The following CDH18 variants were observed in gnomAD, a reference collection of about 807,000 sequenced individuals.
CDH18 encodes the protein cadherin 18, also known as cadherin-18.
In CDH18, 31 loss-of-function variants were observed where a neutral mutation model predicts 67.9. The ratio of observed to expected loss-of-function variants is 0.46; its 90% CI spans 0.34 to 0.62. The LOEUF is 0.62. Ranked by LOEUF, CDH18 falls within the 20% of genes least tolerant of loss-of-function variation. The pLI is 0.01. For synonymous variants in CDH18, 362 were observed against 347.2 expected (o/e 1.04, Z -0.48); for missense variants, 890 against 975.5 (o/e 0.91, Z 1.17).
intron 1 of CDH18, among the ~76,000 whole-genome samples, chr5:20,271,834 T>G (rs1745456779): frequency 6.6e-6 from 1 of 151,900 alleles, no homozygotes; most frequent in African/African-American, 2.4e-5. Context: ...GGTAGAATAC[T>G]AGTGTATGGG....
At chr5:19,739,617 G>A (rs1477050559) in intron 4 of CDH18, among the ~76,000 whole-genome samples, 5 of 152,200 alleles carry the variant, frequency 3.3e-5, no homozygotes, top group Non-Finnish European at 7.3e-5. Context: ...AACTTACACA[G>A]AAGAATAGTT....
chr5:19,726,737 T>C (rs1342678598), intron 4 of CDH18, among the ~76,000 whole-genome samples: 3 of 152,212 alleles, frequency 2.0e-5, no homozygotes, highest in Admixed American at 1.3e-4. Context: ...TTCTTTATAT[T>C]AGACAAAAGT....
intron 1 of CDH18, among the ~76,000 whole-genome samples, chr5:20,395,594 A>G (rs1745217938): frequency 6.6e-6 from 1 of 152,252 alleles, no homozygotes; most frequent in Non-Finnish European, 1.5e-5. Flanking sequence ...TGATGGAAAT[A>G]AAATTAAAAT....
intron 2 of CDH18, among the ~76,000 whole-genome samples, chr5:19,865,480 C>T (rs1437927178): frequency 6.6e-6 from 1 of 152,118 alleles, no homozygotes; most frequent in Non-Finnish European, 1.5e-5. Context: ...CAGTATTTTA[C>T]TCTTCTAGCT....
intron 1 of CDH18, among the ~76,000 whole-genome samples, chr5:20,429,437 T>C (rs1175258660): frequency 6.6e-6 from 1 of 152,176 alleles, no homozygotes; most frequent in African/African-American, 2.4e-5. Flanking sequence ...AATCACTAAT[T>C]TGATCTACTT....
intron 6 of CDH18, among the ~76,000 whole-genome samples, chr5:19,598,875 T>C (rs1220256725): frequency 6.6e-6 from 1 of 152,144 alleles, no homozygotes; most frequent in African/African-American, 2.4e-5. Context: ...GTTGTCCAAC[T>C]TCACAGAATT....
At chr5:20,335,746 A>T (rs2150034336) in intron 1 of CDH18, among the ~76,000 whole-genome samples, 1 of 152,294 alleles carries the variant, frequency 6.6e-6, no homozygotes, top group South Asian at 2.1e-4. Flanking sequence ...ACATAGTAGA[A>T]TCTCAGTAAC....
At position 20,204,245 on chromosome 5, in the gene CDH18, G is replaced by C. The variant is rs531272164; in HGVS notation, c.-518+51199C>G. ...ACAGAGTGGATTCTAAAATCAGCAA[G>C]AGAAAAGAAGCAAATAATATATAAA... On this transcript the variant is annotated intron_variant, in intron 2 of 14. Transcript: ENST00000507958. Among the ~76,000 whole-genome samples the C allele has an allele frequency of 7.2e-5, 11 of 151,768 alleles. 1 individual carries two copies. The highest frequency in any genetic ancestry group is 2.4e-4 in the African/African-American group (10 of 41,404).
chr5:20,209,302 C>T (rs1227719927), intron 2 of CDH18, among the ~76,000 whole-genome samples: 1 of 152,034 alleles, frequency 6.6e-6, no homozygotes, highest in Admixed American at 6.6e-5. Flanking sequence ...GATGTGAACT[C>T]TCATGCTTAT....
chr5:20,204,963 T>G, intron 2 of CDH18, among the ~76,000 whole-genome samples: 1 of 151,498 alleles, frequency 6.6e-6, no homozygotes, highest in South Asian at 2.1e-4. Flanking sequence ...AGAAAAAAAC[T>G]TAACCACAAA....
intron 1 of CDH18, among the ~76,000 whole-genome samples, chr5:20,371,525 C>T (rs1044093885): frequency 6.6e-6 from 1 of 152,012 alleles, no homozygotes; most frequent in South Asian, 2.1e-4. Context: ...CAGAGTAGCA[C>T]ATTTGTGACC....
chr5:19,607,401 A>C (rs558979554), intron 6 of CDH18, among the ~76,000 whole-genome samples: 1 of 151,570 alleles, frequency 6.6e-6, no homozygotes, highest in African/African-American at 2.4e-5. Flanking sequence ...ACAGTTTTAA[A>C]GTCATTCTAT....
chr5:20,005,018 C>T (rs1482734925), intron 2 of CDH18, among the ~76,000 whole-genome samples: 1 of 152,090 alleles, frequency 6.6e-6, no homozygotes, highest in East Asian at 1.9e-4. Flanking sequence ...GTTAAGAATC[C>T]CTGTGATTGA....
chr5:20,071,163 G>A, intron 2 of CDH18, among the ~76,000 whole-genome samples: 1 of 151,998 alleles, frequency 6.6e-6, no homozygotes, highest in East Asian at 1.9e-4. Context: ...AGAAGCTACA[G>A]ATACACTGGC....
intron 1 of CDH18, among the ~76,000 whole-genome samples, chr5:20,298,340 A>T (rs1747700805): frequency 6.6e-6 from 1 of 152,218 alleles, no homozygotes. Flanking sequence ...TGCAACAGAG[A>T]GTGATGGAAG....
intron 3 of CDH18, among the ~76,000 whole-genome samples, chr5:19,755,408 G>A (rs1771405950): frequency 9.2e-6 from 1 of 108,808 alleles, no homozygotes; most frequent in Admixed American, 1.2e-4. Context: ...GTGTTCTCTA[G>A]AGGGACAGAA....
chr5:19,928,943 A>T (rs1793384907), intron 2 of CDH18, among the ~76,000 whole-genome samples: 1 of 151,674 alleles, frequency 6.6e-6, no homozygotes, highest in African/African-American at 2.4e-5. Context: ...GTTGAAAGAG[A>T]CCTAAATCAT....
intron 8 of CDH18, among the ~76,000 whole-genome samples, chr5:19,556,382 G>A (rs183031662): frequency 3.2e-3 from 491 of 152,058 alleles, no homozygotes; most frequent in Non-Finnish European, 6.0e-3. Flanking sequence ...TAATGATACA[G>A]GATATGAATG....
chr5:20,549,840 T>C (rs1757537092), intron 1 of CDH18, among the ~76,000 whole-genome samples: 1 of 152,152 alleles, frequency 6.6e-6, no homozygotes, highest in South Asian at 2.1e-4. Flanking sequence ...GCATATTTAT[T>C]CCACTCTAGC....
Sources: gnomAD v4.1 joint callset for allele counts (sites outside exome capture counted in the v4.1 genomes callset) on GRCh38, gnomAD v4.1.1 for gene constraint, MANE v1.5 for transcripts, NCBI Gene and HGNC (gene_info 2026-07-23, HGNC 2026-07-21) for gene names.